BPIFC: variants seen among roughly 807,000 people sequenced by gnomAD.
The protein encoded by BPIFC is BPI fold-containing family C protein.
BPIFC carries 60 observed loss-of-function variants against 57.6 expected under a neutral mutation model. The ratio of observed to expected loss-of-function variants is 1.04; its 90% CI spans 0.85 to 1.29. The LOEUF is 1.29. BPIFC is among the 50% of genes most tolerant of loss of function. BPIFC has a pLI of 0.00. For synonymous variants in BPIFC, 243 were observed against 224.5 expected (o/e 1.08, Z -0.74); for missense variants, 581 against 600.5 (o/e 0.97, Z 0.34).
Position 32,443,814 on chromosome 22 carries a change from C to T in BPIFC, c.595-1083G>A, listed in dbSNP as rs529813900. Among the ~76,000 whole-genome samples, 108 of 152,164 alleles carry T rather than the reference C, an allele frequency of 7.1e-4. 1 individual carries two copies. The highest frequency in any genetic ancestry group is 1.1e-3 in the Non-Finnish European group (76 of 68,010). On this transcript the variant is annotated intron_variant, in intron 7 of 16. Coordinates refer to ENST00000300399, the MANE Select transcript of BPIFC (RefSeq NM_174932.3). ...ATTGTGAGTAGAAATGGAAGTAATCCATGTAAACTTGCCCAGCTTATAGTA... is the reference window on the plus strand; with the variant it reads ...ATTGTGAGTAGAAATGGAAGTAATCTATGTAAACTTGCCCAGCTTATAGTA...
At position 32,446,779 on chromosome 22, in the gene BPIFC, T is replaced by C. The variant is rs144894722; in HGVS notation, c.374+433A>G. 61 of 985,442 alleles carry C rather than the reference T, an allele frequency of 6.2e-5. No homozygotes were observed. The East Asian group carries it at 4.0e-3, about 64-fold the overall frequency. The allele number at this position is 985,442 out of a possible 1,614,324, so 61.0% of individuals were successfully genotyped here. ...ACACGAGGGTGCAAAGGCCTTCCAG[T>C]TGGGCTCAGGCTTAAGCTGACTACC... On this transcript the variant is annotated intron_variant, in intron 5 of 16. Transcript: ENST00000300399.
At chr22:32,434,139 C>T (rs1934323525) in intron 10 of BPIFC, among the ~76,000 whole-genome samples, 1 of 149,152 alleles carries the variant, frequency 6.7e-6, no homozygotes, top group Non-Finnish European at 1.5e-5. Context: ...TACAACCTAT[C>T]TATGTGTACA....
intron 11 of BPIFC, 38 bp from the exon 12 acceptor site, chr22:32,432,581 C>A: frequency 6.2e-7 from 1 of 1,600,264 alleles, no homozygotes; most frequent in Non-Finnish European, 8.6e-7. Flanking sequence ...GATTGTGAGG[C>A]GTGAGTTGGT....
At chr22:32,432,575 G>C (rs368194291) in intron 11 of BPIFC, 32 bp from the exon 12 acceptor site, 2 of 1,605,340 alleles carry the variant, frequency 1.2e-6, no homozygotes, top group African/African-American at 2.7e-5. Context: ...AATAAAGATT[G>C]TGAGGCGTGA....
intron 13 of BPIFC, among the ~76,000 whole-genome samples, chr22:32,420,918 A>C (rs966838018): frequency 1.3e-5 from 2 of 152,246 alleles, no homozygotes; most frequent in Non-Finnish European, 2.9e-5. Flanking sequence ...AATGATGCAC[A>C]TAAAATGCTT....
intron 13 of BPIFC, among the ~76,000 whole-genome samples, chr22:32,419,738 G>A (rs1259040647): frequency 6.7e-6 from 1 of 149,698 alleles, no homozygotes; most frequent in Non-Finnish European, 1.5e-5. Context: ...CCTGGGAGGT[G>A]GAGGCTACAG....
intron 13 of BPIFC, among the ~76,000 whole-genome samples, chr22:32,429,519 T>G (rs1212563983): frequency 4.9e-5 from 5 of 102,958 alleles, no homozygotes; most frequent in Non-Finnish European, 1.2e-4. Flanking sequence ...GTTTTTTTTT[T>G]TTTTTTTTTT....
At chr22:32,441,163 G>T (rs1256530332) in intron 8 of BPIFC, among the ~76,000 whole-genome samples, 1 of 151,996 alleles carries the variant, frequency 6.6e-6, no homozygotes, top group Admixed American at 6.6e-5. Flanking sequence ...CAGGGTTTTT[G>T]TGCCTGCAGT....
At chr22:32,458,705 C>G (rs1935097186) in intron 2 of BPIFC, among the ~76,000 whole-genome samples, 1 of 152,204 alleles carries the variant, frequency 6.6e-6, no homozygotes, top group Non-Finnish European at 1.5e-5. Flanking sequence ...GGTTCTCCAG[C>G]ACCTGGGGAA....
intron 4 of BPIFC, among the ~76,000 whole-genome samples, chr22:32,449,481 G>T (rs777263499): frequency 3.5e-4 from 53 of 152,192 alleles, no homozygotes; most frequent in African/African-American, 1.2e-3. Context: ...TCTCTGTCAC[G>T]CATCCTGAGT....
rs148930460 is a variant in BPIFC, at chr22:32,424,574, T to TTTCTTC, written c.1218-5176_1218-5171dup. Among the ~76,000 whole-genome samples the TTTCTTC allele has an allele frequency of 4.7e-3, 325 of 68,998 alleles. 27 individuals carry two copies. Among genetic ancestry groups the TTTCTTC allele is most frequent in the Middle Eastern group, 6.9e-3 (1 of 144 alleles). The allele number at this position is 68,998 out of a possible 152,430, so 45.3% of individuals were successfully genotyped here. On this transcript the variant is annotated intron_variant, in intron 13 of 16. Transcript: ENST00000300399. ...TTCCTAAATCTTAAGTGTTATTTTC[T>TTTCTTC]TTCTTCTTCTTCTTCTTCTTCTTCT...
At chr22:32,453,953 A>T (rs369972539) in intron 3 of BPIFC, among the ~76,000 whole-genome samples, 1 of 150,508 alleles carries the variant, frequency 6.6e-6, no homozygotes, top group African/African-American at 2.4e-5. Flanking sequence ...AAAAAAAAAA[A>T]TTAAAAAATT....
intron 13 of BPIFC, among the ~76,000 whole-genome samples, chr22:32,423,024 A>G (rs1347827799): frequency 1.3e-5 from 2 of 152,184 alleles, no homozygotes; most frequent in Admixed American, 6.5e-5. Context: ...GATGAAGGAC[A>G]TGGGTTGGGG....
At chr22:32,438,251 A>G (rs1288628050) in intron 8 of BPIFC, among the ~76,000 whole-genome samples, 11 of 152,236 alleles carry the variant, frequency 7.2e-5, no homozygotes, top group African/African-American at 2.2e-4. Context: ...TCACATTGAG[A>G]TATTAAATAT....
At chr22:32,437,978 A>G (rs2145938555) in intron 8 of BPIFC, 127 bp from the exon 9 acceptor site, 1 of 576,238 alleles carries the variant, frequency 1.7e-6, no homozygotes, top group East Asian at 3.0e-5. Flanking sequence ...CCTGCTTTTC[A>G]GAAGTAATAC....
rs1190594404 is a variant in BPIFC, at chr22:32,444,923, C to T, written c.594+712G>A. Among the ~76,000 whole-genome samples the T allele has an allele frequency of 3.9e-5, 6 of 152,202 alleles. No individual in the cohort carries two copies. In the South Asian group the frequency reaches 1.0e-3, roughly 26 times the overall value. ...TCAGTTAGTTATTGTTTCACAAGCC[C>T]GAGTTTGAGCTTTTGAATACACAAG... On this transcript the variant is annotated intron_variant, in intron 7 of 16. Coordinates refer to ENST00000300399, the MANE Select transcript of BPIFC (RefSeq NM_174932.3).
chr22:32,450,741 A>G (rs1934874256), intron 4 of BPIFC, among the ~76,000 whole-genome samples: 1 of 152,188 alleles, frequency 6.6e-6, no homozygotes, highest in South Asian at 2.1e-4. Flanking sequence ...AAGTGCTGAC[A>G]TGATGCTCAA....
At chr22:32,440,074 C>G (rs1174791886) in intron 8 of BPIFC, among the ~76,000 whole-genome samples, 1 of 152,076 alleles carries the variant, frequency 6.6e-6, no homozygotes, top group East Asian at 1.9e-4. Context: ...TCTTGTTTTC[C>G]TTCCCTACAT....
chr22:32,449,144 C>T (rs779700987), intron 4 of BPIFC, among the ~76,000 whole-genome samples: 9 of 152,084 alleles, frequency 5.9e-5, no homozygotes, highest in Non-Finnish European at 1.3e-4. Flanking sequence ...AGACCTGGAA[C>T]CCTCCTCAGT....
Sources: gnomAD v4.1 joint callset for allele counts (sites outside exome capture counted in the v4.1 genomes callset) on GRCh38, gnomAD v4.1.1 for gene constraint, MANE v1.5 for transcripts, NCBI Gene and HGNC (gene_info 2026-07-23, HGNC 2026-07-21) for gene names.